The following ST6GALNAC5 variants were observed in gnomAD, a reference collection of about 807,000 sequenced individuals.
The protein encoded by ST6GALNAC5 is ST6 N-acetylgalactosaminide alpha-2,6-sialyltransferase 5, also known as alpha-N-acetylgalactosaminide alpha-2,6-sialyltransferase 5.
Under a neutral mutation model 33.6 loss-of-function variants are expected in ST6GALNAC5, and 27 were observed. That is an observed-to-expected ratio of 0.80 (90% CI 0.59 to 1.11). The LOEUF is 1.11. ST6GALNAC5 is among the 50% of genes least tolerant of loss of function. ST6GALNAC5 has a pLI of 0.00. For synonymous variants in ST6GALNAC5, 194 were observed against 171.2 expected, an observed-to-expected ratio of 1.13 and a Z score of -1.04; for missense variants, 428 against 454.0, an observed-to-expected ratio of 0.94 and a Z score of 0.52.
At chr1:76,974,134 C>T (rs575926169) in intron 2 of ST6GALNAC5, among the ~76,000 whole-genome samples, 2 of 150,872 alleles carry the variant, frequency 1.3e-5, no homozygotes, top group African/African-American at 4.9e-5. Context: ...TGAAGATTGA[C>T]ATCTTTTTTA....
At chr1:77,058,380 A>G (rs2100479668) in intron 4 of ST6GALNAC5, among the ~76,000 whole-genome samples, 1 of 152,324 alleles carries the variant, frequency 6.6e-6, no homozygotes, top group African/African-American at 2.4e-5. Context: ...TCATGGGGGC[A>G]GATCCCTCAT....
intron 2 of ST6GALNAC5, among the ~76,000 whole-genome samples, chr1:76,895,406 G>A (rs1192808347): frequency 7.2e-5 from 11 of 152,108 alleles, no homozygotes; most frequent in Admixed American, 7.2e-4. Context: ...AGATTTTGTG[G>A]TAAGGGGTGA....
At position 77,042,774 on chromosome 1, in the gene ST6GALNAC5, G is replaced by A. The variant is rs184712437; in HGVS notation, c.262-1430G>A. 1.6e-3 allele frequency among the ~76,000 whole-genome samples: 250 copies of A among 152,310 alleles called. 1 individual carries two copies. The Middle Eastern group carries it at 0.031, about 19-fold the overall frequency. On this transcript the variant is annotated intron_variant, in intron 2 of 4. Transcript: ENST00000477717. ...ATTGGCAGTTTCAAAGGGCTCAATCGAATACGGTATCTATCTTAATTTTTT... is the reference window on the plus strand; with the variant it reads ...ATTGGCAGTTTCAAAGGGCTCAATCAAATACGGTATCTATCTTAATTTTTT...
chr1:76,945,103 C>T (rs1647470384), intron 2 of ST6GALNAC5, among the ~76,000 whole-genome samples: 2 of 151,996 alleles, frequency 1.3e-5, no homozygotes, highest in South Asian at 2.1e-4. Context: ...CATAGTAACG[C>T]TCTGTGGAAC....
At chr1:76,961,429 C>G (rs1220639300) in intron 2 of ST6GALNAC5, among the ~76,000 whole-genome samples, 2 of 152,190 alleles carry the variant, frequency 1.3e-5, no homozygotes, top group African/African-American at 4.8e-5. Flanking sequence ...TGGGTGATGT[C>G]AGCCTCCCTT....
intron 2 of ST6GALNAC5, among the ~76,000 whole-genome samples, chr1:76,895,440 T>C (rs931778413): frequency 2.0e-5 from 3 of 151,960 alleles, no homozygotes; most frequent in African/African-American, 7.3e-5. Flanking sequence ...TTAGAAGAAA[T>C]ATTTGTTGTG....
chr1:77,063,125 A>T lies in ST6GALNAC5; in HGVS notation c.930A>T (p.Thr310=). The change falls in exon 5 of 5, where the codon ACA becomes ACT. Residue 310 remains threonine, a synonymous_variant. Transcript: ENST00000477717. ...GAGTCTTTAAGAACTGGGCACGGAC[A>T]TTCAATATTCACTTTTTTCAACCAG... ...EKRVFKNWAR[T]FNIHFFQPDW... is the part of the protein sequence containing the mutation. The T allele has an allele frequency of 6.2e-7, 1 of 1,613,830 alleles. No individual in the cohort carries two copies. The highest frequency in any genetic ancestry group is 1.6e-4 in the Middle Eastern group (1 of 6,062).
At chr1:76,900,483 AC>A (rs2100264635) in intron 2 of ST6GALNAC5, among the ~76,000 whole-genome samples, 1 of 152,320 alleles carries the variant, frequency 6.6e-6, no homozygotes, top group South Asian at 2.1e-4. Flanking sequence ...TCTCAAAGAA[AC>A]ATTTAATGTT....
At chr1:77,047,814 TG>T (rs1365261772) in intron 3 of ST6GALNAC5, among the ~76,000 whole-genome samples, 2 of 152,228 alleles carry the variant, frequency 1.3e-5, no homozygotes, top group African/African-American at 4.8e-5. Context: ...TAATTTAGTA[TG>T]CACTATAGAA....
chr1:76,993,454 A>C (rs937820443), intron 2 of ST6GALNAC5, among the ~76,000 whole-genome samples: 4 of 152,140 alleles, frequency 2.6e-5, no homozygotes, highest in Non-Finnish European at 5.9e-5. Flanking sequence ...CATCTCTCTC[A>C]TATGTCAGTG....
chr1:77,025,650 C>A (rs2350525), intron 2 of ST6GALNAC5, among the ~76,000 whole-genome samples: 1 of 151,916 alleles, frequency 6.6e-6, no homozygotes, highest in African/African-American at 2.4e-5. Flanking sequence ...GTGGGGTGAC[C>A]AGTTGGGGGT....
Position 76,867,485 on chromosome 1 carries a change from T to C in ST6GALNAC5, c.-191T>C. 2 of 815,574 alleles carry C rather than the reference T, an allele frequency of 2.5e-6. No homozygotes were observed. Among genetic ancestry groups the C allele is most frequent in the South Asian group, 3.1e-5 (2 of 65,482 alleles). The allele number at this position is 815,574 out of a possible 1,614,324, so 50.5% of individuals were successfully genotyped here. On this transcript the variant is annotated 5_prime_UTR_variant, in exon 1 of 5. Transcript: ENST00000477717. ...AGACTACGAGGGTCCGGTTCAGTTT[T>C]AATTCTGTCTCTAATCTCTGCAACA...
chr1:76,996,012 G>A (rs773045241), intron 2 of ST6GALNAC5, among the ~76,000 whole-genome samples: 4 of 152,206 alleles, frequency 2.6e-5, no homozygotes, highest in Admixed American at 2.0e-4. Context: ...ATGTTGCAGT[G>A]TTATAGACAC....
intron 2 of ST6GALNAC5, among the ~76,000 whole-genome samples, chr1:76,899,754 C>T (rs769653614): frequency 1.8e-4 from 28 of 151,954 alleles, no homozygotes; most frequent in Middle Eastern, 3.2e-3. Context: ...TGAAGTGTGG[C>T]GCCAAGATTG....
chr1:76,989,879 C>T (rs1432393074), intron 2 of ST6GALNAC5, among the ~76,000 whole-genome samples: 1 of 152,186 alleles, frequency 6.6e-6, no homozygotes, highest in Non-Finnish European at 1.5e-5. Context: ...ATACCCATCA[C>T]TTGCGGGAAG....
intron 2 of ST6GALNAC5, among the ~76,000 whole-genome samples, chr1:76,976,635 A>G (rs1307615548): frequency 2.0e-5 from 3 of 152,154 alleles, no homozygotes; most frequent in Non-Finnish European, 4.4e-5. Context: ...CATTTGATAA[A>G]TTATGTTTTC....
At chr1:76,918,395 G>A (rs1191312147) in intron 2 of ST6GALNAC5, among the ~76,000 whole-genome samples, 1 of 151,818 alleles carries the variant, frequency 6.6e-6, no homozygotes, top group Non-Finnish European at 1.5e-5. Flanking sequence ...CAAGGCAGGC[G>A]GATCACAAGG....
intron 2 of ST6GALNAC5, among the ~76,000 whole-genome samples, chr1:76,921,999 C>G (rs1647038967): frequency 6.6e-6 from 1 of 152,004 alleles, no homozygotes. Context: ...GCTGGAAGTT[C>G]CAACCACTGA....
intron 2 of ST6GALNAC5, among the ~76,000 whole-genome samples, chr1:76,997,920 T>A (rs988997268): frequency 6.6e-5 from 10 of 152,134 alleles, no homozygotes; most frequent in African/African-American, 2.4e-4. Context: ...GTGGAGATAA[T>A]TGAATCATGG....
Sources: gnomAD v4.1 joint callset for allele counts (sites outside exome capture counted in the v4.1 genomes callset) on GRCh38, gnomAD v4.1.1 for gene constraint, MANE v1.5 for transcripts, NCBI Gene and HGNC (gene_info 2026-07-23, HGNC 2026-07-21) for gene names.